SANBR: variants seen among roughly 807,000 people sequenced by gnomAD.
SANBR encodes SANT and BTB domain regulator of CSR.
In SANBR, 77 loss-of-function variants were observed where a neutral mutation model predicts 101.8. The ratio of observed to expected loss-of-function variants is 0.76; its 90% CI spans 0.63 to 0.91. SANBR has a LOEUF of 0.91. SANBR is among the 40% of genes least tolerant of loss of function. The pLI is 0.00. For missense variants in SANBR, 875 were observed against 853.0 expected (o/e 1.03, Z -0.32); for synonymous variants, 279 against 274.7 (o/e 1.02, Z -0.15).
At chr2:61,098,970 A>G (rs1683163787) in intron 12 of SANBR, among the ~76,000 whole-genome samples, 1 of 152,258 alleles carries the variant, frequency 6.6e-6, no homozygotes, top group Non-Finnish European at 1.5e-5. Context: ...CATAGATGTC[A>G]AGGAAATCCT....
intron 21 of SANBR, among the ~76,000 whole-genome samples, chr2:61,136,077 G>A (rs572639091): frequency 3.8e-4 from 58 of 152,302 alleles, no homozygotes; most frequent in African/African-American, 1.4e-3. Flanking sequence ...GGCCGAGGCG[G>A]GCGGATCACC....
Position 61,079,903 on chromosome 2 carries a change from T to TA in SANBR, c.671-1536dup, listed in dbSNP as rs936906345. Among the ~76,000 whole-genome samples the TA allele has an allele frequency of 1.6e-3, 203 of 127,952 alleles. 1 individual carries two copies. The highest frequency in any genetic ancestry group is 8.9e-3 in the Middle Eastern group (2 of 224). The allele number at this position is 127,952 out of a possible 152,430, so 83.9% of individuals were successfully genotyped here. A position where few individuals can be genotyped will look rare whatever the true frequency, so the allele number is the denominator to read the frequency against. ...AACAGAGCGAGACTCCGTCTCAATT[T>TA]AAAAAAAAAAAAAGCCCGGCACTCT... On this transcript the variant is annotated intron_variant, in intron 6 of 21. Transcript: ENST00000402291.
intron 21 of SANBR, chr2:61,134,308 T>G (rs1021917239): frequency 6.5e-7 from 1 of 1,528,018 alleles, no homozygotes; most frequent in Non-Finnish European, 8.9e-7. Context: ...CTATTATTAG[T>G]AGACCACATG....
At chr2:61,066,336 G>T (rs925512694) in intron 1 of SANBR, 3 of 152,542 alleles carry the variant, frequency 2.0e-5, no homozygotes, top group African/African-American at 7.2e-5. Flanking sequence ...CCTCGCTCCC[G>T]CTGCCCGGCG....
At chr2:61,069,079 A>G (rs1415696220) in intron 2 of SANBR, 94 bp downstream of exon 2, 1 of 152,308 alleles carries the variant, frequency 6.6e-6, no homozygotes, top group Non-Finnish European at 1.5e-5. Flanking sequence ...TACATGTAGG[A>G]TAACTTTATG....
chr2:61,137,385 G>A (rs1225001132), intron 21 of SANBR: 1 of 152,220 alleles, frequency 6.6e-6, no homozygotes, highest in Non-Finnish European at 1.5e-5. Context: ...AAGGTATAGA[G>A]TACATAGCCT....
chr2:61,103,542 A>G (rs1683396942), intron 12 of SANBR, among the ~76,000 whole-genome samples: 1 of 152,198 alleles, frequency 6.6e-6, no homozygotes, highest in Non-Finnish European at 1.5e-5. Flanking sequence ...AATTACCACA[A>G]GCCAGGGTAG....
intron 16 of SANBR, among the ~76,000 whole-genome samples, chr2:61,111,093 C>T (rs1683808140): frequency 6.6e-6 from 1 of 152,014 alleles, no homozygotes; most frequent in Non-Finnish European, 1.5e-5. Context: ...CCTCCAATGA[C>T]ATTGAAAAAA....
At position 61,073,439 on chromosome 2, in the gene SANBR, G is replaced by A. The variant is rs747858582; in HGVS notation, c.338-19G>A. On this transcript the variant is annotated intron_variant, in intron 4 of 21. Transcript: ENST00000402291. Reference sequence around the variant, plus strand: ...CCCCCACCTTTTTTTTTTTGTATGTGTTTGTTTCTGTATTTAAGGAAGACA... The same window carrying A: ...CCCCCACCTTTTTTTTTTTGTATGTATTTGTTTCTGTATTTAAGGAAGACA... The A allele has an allele frequency of 3.8e-6, 5 of 1,304,306 alleles. No individual in the cohort carries two copies. The Admixed American group carries it at 6.6e-5, about 17-fold the overall frequency. The allele number at this position is 1,304,306 out of a possible 1,614,324, so 80.8% of individuals were successfully genotyped here. A position where few individuals can be genotyped will look rare whatever the true frequency, so the allele number is the denominator to read the frequency against.
intron 11 of SANBR, among the ~76,000 whole-genome samples, chr2:61,092,957 C>A (rs1236222154): frequency 6.6e-6 from 1 of 151,996 alleles, no homozygotes; most frequent in Non-Finnish European, 1.5e-5. Flanking sequence ...CATGGTGAAA[C>A]CCCATCTCTA....
chr2:61,131,491 A>G (rs1158548230), intron 20 of SANBR, among the ~76,000 whole-genome samples: 1 of 152,190 alleles, frequency 6.6e-6, no homozygotes, highest in Non-Finnish European at 1.5e-5. Flanking sequence ...GAAACAGAAA[A>G]CATTCTGAAA....
chr2:61,094,072 A>G lies in SANBR; in HGVS notation c.1212+1485A>G, dbSNP rs954853522. The G allele has an allele frequency of 1.1e-5, 11 of 983,478 alleles. No homozygotes were observed. In the African/African-American group the frequency reaches 1.6e-4, roughly 14 times the overall value. 60.9% of individuals were successfully genotyped at this position (983,478 alleles called of 1,614,324 possible). A position where few individuals can be genotyped will look rare whatever the true frequency, so the allele number is the denominator to read the frequency against. The stretch of plus-strand genomic sequence containing the variant: ...AAGAACAGCTTGTCAAAATCTTCAG[A>G]TTGGGATTTTAAACTGTTTAAGTTC... On this transcript the variant is annotated intron_variant, in intron 11 of 21. Coordinates refer to ENST00000402291, the MANE Select transcript of SANBR (RefSeq NM_001129993.3).
intron 10 of SANBR, chr2:61,089,189 A>C: frequency 1.0e-6 from 1 of 985,238 alleles, no homozygotes; most frequent in Non-Finnish European, 1.2e-6. Flanking sequence ...TCTGTCATCT[A>C]TTTGTTCTTC....
intron 21 of SANBR, among the ~76,000 whole-genome samples, chr2:61,137,155 G>A (rs1055541127): frequency 7.2e-5 from 11 of 151,954 alleles, no homozygotes; most frequent in Admixed American, 6.6e-5. Context: ...GTGTATGCCT[G>A]TAGTCCCAGC....
downstream of SANBR, among the ~76,000 whole-genome samples, chr2:61,126,753 G>A (rs934984021): frequency 4.0e-4 from 51 of 127,992 alleles, no homozygotes; most frequent in African/African-American, 1.6e-3. Context: ...TGTGACCTAA[G>A]ATCGTGCCAC....
chr2:61,101,232 C>T (rs576043271), intron 12 of SANBR, among the ~76,000 whole-genome samples: 1 of 152,234 alleles, frequency 6.6e-6, no homozygotes, highest in Non-Finnish European at 1.5e-5. Context: ...CAAGATATTT[C>T]GTTAATTCAT....
intron 12 of SANBR, among the ~76,000 whole-genome samples, chr2:61,098,058 TA>T (rs1683113216): frequency 8.9e-5 from 2 of 22,448 alleles, no homozygotes; most frequent in Admixed American, 7.9e-4. Context: ...AGGCACAAAT[TA>T]TATATATATA....
chr2:61,066,359 C>T (rs933459366), intron 1 of SANBR: 1 of 152,488 alleles, frequency 6.6e-6, no homozygotes, highest in Non-Finnish European at 1.5e-5. Flanking sequence ...TTTGTCCGCT[C>T]TGCGCCCCTG....
intron 8 of SANBR, among the ~76,000 whole-genome samples, chr2:61,084,832 A>G (rs955126008): frequency 3.9e-5 from 6 of 152,156 alleles, no homozygotes; most frequent in Non-Finnish European, 8.8e-5. Context: ...AAGGGTTTGC[A>G]CTAGGGTAGA....
Sources: gnomAD v4.1 joint callset for allele counts (sites outside exome capture counted in the v4.1 genomes callset) on GRCh38, gnomAD v4.1.1 for gene constraint, MANE v1.5 for transcripts, NCBI Gene and HGNC (gene_info 2026-07-23, HGNC 2026-07-21) for gene names.